FGF12: variants seen among roughly 807,000 people sequenced by gnomAD.
The protein encoded by FGF12 is fibroblast growth factor 12, also known as fibroblast growth factor 12B.
In FGF12, 14 loss-of-function variants were observed where a neutral mutation model predicts 23.6. The observed-to-expected ratio is 0.59, with a 90% CI of 0.39 to 0.93. The LOEUF is 0.93. Among genes scored for constraint, FGF12 ranks in the 40% least tolerant of loss-of-function variants. FGF12 has a pLI of 0.00. For missense variants in FGF12, 175 were observed against 217.8 expected, an observed-to-expected ratio of 0.80 and a Z score of 1.24; for synonymous variants, 62 against 77.3, an observed-to-expected ratio of 0.80 and a Z score of 1.04.
At chr3:192,345,360 G>A (rs2108714321) in intron 3 of FGF12, among the ~76,000 whole-genome samples, 1 of 152,298 alleles carries the variant, frequency 6.6e-6, no homozygotes, top group South Asian at 2.1e-4. Context: ...CTAGATTCTG[G>A]TGGCTACAAA....
intron 2 of FGF12, among the ~76,000 whole-genome samples, chr3:192,442,316 G>A (rs1406502981): frequency 6.6e-6 from 1 of 152,198 alleles, no homozygotes; most frequent in Non-Finnish European, 1.5e-5. Context: ...ATGGTTTGTG[G>A]ATGAAAGCTG....
chr3:192,292,655 T>C (rs1714818394), intron 4 of FGF12, among the ~76,000 whole-genome samples: 1 of 152,314 alleles, frequency 6.6e-6, no homozygotes, highest in African/African-American at 2.4e-5. Context: ...TCTATACAAT[T>C]TTCTGGCTTG....
chr3:192,620,254 G>A (rs1292503424), intron 2 of FGF12, among the ~76,000 whole-genome samples: 9 of 61,340 alleles, frequency 1.5e-4, no homozygotes, highest in South Asian at 4.2e-4. Context: ...GCGCGCGCGC[G>A]CACGCACACA....
At chr3:192,536,998 CT>C (rs1725239949) in intron 2 of FGF12, among the ~76,000 whole-genome samples, 1 of 152,052 alleles carries the variant, frequency 6.6e-6, no homozygotes, top group South Asian at 2.1e-4. Flanking sequence ...GTCTATCCCC[CT>C]GAGTTCAATT....
intron 5 of FGF12, among the ~76,000 whole-genome samples, chr3:192,149,549 G>A (rs1713934845): frequency 9.7e-6 from 1 of 103,050 alleles, no homozygotes; most frequent in Non-Finnish European, 2.0e-5. Flanking sequence ...CCACCTATGA[G>A]TGAGAATATG....
Position 192,537,950 on chromosome 3 carries a change from C to CTTTTTTTTTTTTTTTTTTTT in FGF12, c.14-177413_14-177412insAAAAAAAAAAAAAAAAAAAA, listed in dbSNP as rs370317111. On this transcript the variant is annotated intron_variant, in intron 2 of 5. Coordinates refer to ENST00000445105, the MANE Select transcript of FGF12 (RefSeq NM_004113.6). ...AAGGTCTTAGATTTAAGCCTTTAAC[C>CTTTTTTTTTTTTTTTTTTTT]TTTTTTTTTTTTTGAGATGGAGTTT... 4.0e-3 allele frequency among the ~76,000 whole-genome samples: 484 copies of CTTTTTTTTTTTTTTTTTTTT among 121,060 alleles called. 26 individuals are homozygous for CTTTTTTTTTTTTTTTTTTTT. The highest frequency in any genetic ancestry group is 5.6e-3 in the Non-Finnish European group (318 of 56,514). 79.4% of individuals were successfully genotyped at this position (121,060 alleles called of 152,430 possible).
chr3:192,599,015 G>T (rs932550409), intron 2 of FGF12, among the ~76,000 whole-genome samples: 7 of 151,984 alleles, frequency 4.6e-5, no homozygotes, highest in African/African-American at 1.7e-4. Context: ...CACAAGAACA[G>T]AAAACCAAAC....
chr3:192,262,255 C>T (rs1005038855), intron 4 of FGF12, among the ~76,000 whole-genome samples: 1 of 152,114 alleles, frequency 6.6e-6, no homozygotes, highest in Non-Finnish European at 1.5e-5. Flanking sequence ...GAGGCATAAA[C>T]TTTGCTTTTA....
intron 2 of FGF12, among the ~76,000 whole-genome samples, chr3:192,484,951 C>A (rs1316362169): frequency 1.3e-5 from 2 of 151,638 alleles, no homozygotes; most frequent in African/African-American, 2.4e-5. Context: ...TACAGCCCCA[C>A]CCTCCATAAT....
At chr3:192,726,103 A>G (rs1023347252) in intron 2 of FGF12, among the ~76,000 whole-genome samples, 24 of 152,350 alleles carry the variant, frequency 1.6e-4, no homozygotes, top group Non-Finnish European at 3.4e-4. Context: ...AACTGCTATC[A>G]TTCAACACTC....
intron 2 of FGF12, among the ~76,000 whole-genome samples, chr3:192,419,046 G>A (rs1721441517): frequency 6.6e-6 from 1 of 152,170 alleles, no homozygotes; most frequent in East Asian, 1.9e-4. Context: ...ACATGTTACA[G>A]TGGGAAAGCT....
At chr3:192,655,018 A>G (rs1258392842) in intron 2 of FGF12, among the ~76,000 whole-genome samples, 1 of 152,212 alleles carries the variant, frequency 6.6e-6, no homozygotes, top group African/African-American at 2.4e-5. Context: ...GTATTTGAGC[A>G]CAAGGAACAA....
chr3:192,179,363 T>A (rs1716037857), intron 4 of FGF12, among the ~76,000 whole-genome samples: 1 of 152,166 alleles, frequency 6.6e-6, no homozygotes, highest in African/African-American at 2.4e-5. Flanking sequence ...GGAAACAAGG[T>A]AAATTTATAC....
intron 2 of FGF12, among the ~76,000 whole-genome samples, chr3:192,666,957 A>AGATG (rs1375938280): frequency 2.0e-5 from 3 of 151,804 alleles, no homozygotes; most frequent in African/African-American, 7.3e-5. Context: ...ATAGATAGAT[A>AGATG]GACATAAAGA....
intron 2 of FGF12, among the ~76,000 whole-genome samples, chr3:192,450,187 A>C (rs2108801244): frequency 6.6e-6 from 1 of 152,326 alleles, no homozygotes; most frequent in South Asian, 2.1e-4. Context: ...TCCAGGAATA[A>C]AAACTACTGG....
chr3:192,145,569 A>G (rs1472499707), intron 5 of FGF12, among the ~76,000 whole-genome samples: 1 of 152,214 alleles, frequency 6.6e-6, no homozygotes, highest in Non-Finnish European at 1.5e-5. Context: ...GTTGATGCTG[A>G]TAAAACCCAG....
chr3:192,190,374 T>C (rs780910816), intron 4 of FGF12, among the ~76,000 whole-genome samples: 6 of 152,004 alleles, frequency 3.9e-5, no homozygotes, highest in Admixed American at 2.6e-4. Context: ...TAGAAGAAAA[T>C]TTAATGAATT....
At chr3:192,357,771 T>C (rs966037232) in intron 3 of FGF12, among the ~76,000 whole-genome samples, 3 of 152,060 alleles carry the variant, frequency 2.0e-5, no homozygotes, top group Admixed American at 6.6e-5. Flanking sequence ...CAAAAATAAA[T>C]AAACAGCAAC....
chr3:192,658,326 G>A (rs1716524157), intron 2 of FGF12, among the ~76,000 whole-genome samples: 3 of 152,350 alleles, frequency 2.0e-5, no homozygotes, highest in Admixed American at 2.0e-4. Flanking sequence ...ATATCAGACT[G>A]CTGCATTGCT....
Sources: allele counts gnomAD v4.1 joint callset (sites outside exome capture counted in the v4.1 genomes callset), GRCh38; gene constraint gnomAD v4.1.1; transcripts MANE v1.5; gene names NCBI Gene and HGNC (gene_info 2026-07-23, HGNC 2026-07-21).